The following FAM13A variants were observed in gnomAD, a reference collection of about 807,000 sequenced individuals.
FAM13A encodes the protein family with sequence similarity 13 member A.
Under a neutral mutation model 129.6 loss-of-function variants are expected in FAM13A, and 76 were observed. The observed-to-expected ratio is 0.59, with a 90% confidence interval of 0.49 to 0.71. The LOEUF (loss-of-function observed/expected upper bound fraction) is 0.71, where lower values mean the gene tolerates loss of function less well. Ranked by LOEUF, FAM13A falls within the 30% of genes least tolerant of loss-of-function variation. FAM13A has a pLI of 0.00. For synonymous variants in FAM13A, 443 were observed against 449.9 expected, an observed-to-expected ratio of 0.98 and a Z score of 0.20; for missense variants, 1,108 against 1,249.3, an observed-to-expected ratio of 0.89 and a Z score of 1.70.
At chr4:88,858,593 T>C (rs912710586) in intron 6 of FAM13A, among the ~76,000 whole-genome samples, 4 of 152,138 alleles carry the variant, frequency 2.6e-5, no homozygotes, top group African/African-American at 4.8e-5. Flanking sequence ...TGATAGAGCA[T>C]AGATGAATCC....
At chr4:89,008,272 A>G (rs769056026) in intron 3 of FAM13A, among the ~76,000 whole-genome samples, 46 of 152,162 alleles carry the variant, frequency 3.0e-4, no homozygotes, top group Admixed American at 2.4e-3. Flanking sequence ...GGAAGACAGC[A>G]CCTTTAAGGA....
At chr4:89,028,041 C>T (rs1768193819) in intron 2 of FAM13A, among the ~76,000 whole-genome samples, 2 of 122,310 alleles carry the variant, frequency 1.6e-5, no homozygotes, top group African/African-American at 5.9e-5. Flanking sequence ...CCCATCTCTA[C>T]TAATAATACA....
intron 7 of FAM13A, among the ~76,000 whole-genome samples, chr4:88,833,779 G>A (rs990539655): frequency 2.6e-5 from 4 of 151,968 alleles, no homozygotes; most frequent in South Asian, 2.1e-4. Flanking sequence ...CCAGCTACTC[G>A]GAAGGCTGAG....
intron 5 of FAM13A, among the ~76,000 whole-genome samples, chr4:88,931,022 G>C (rs1001702814): frequency 6.6e-6 from 1 of 152,092 alleles, no homozygotes; most frequent in Non-Finnish European, 1.5e-5. Flanking sequence ...TGGTGCCTTG[G>C]GCCTGGGACC....
intron 7 of FAM13A, among the ~76,000 whole-genome samples, chr4:88,815,054 G>T (rs1397960845): frequency 6.6e-6 from 1 of 151,990 alleles, no homozygotes; most frequent in Non-Finnish European, 1.5e-5. Context: ...TGTTGCTCAG[G>T]CTGGTCTCCA....
chr4:89,045,198 G>A (rs1770693459), intron 1 of FAM13A, among the ~76,000 whole-genome samples: 4 of 151,888 alleles, frequency 2.6e-5, no homozygotes, highest in African/African-American at 9.7e-5. Context: ...AATGTGAAGT[G>A]GAGACTGGTG....
chr4:88,971,917 A>G (rs1242963180), intron 4 of FAM13A, among the ~76,000 whole-genome samples: 1 of 152,250 alleles, frequency 6.6e-6, no homozygotes, highest in Non-Finnish European at 1.5e-5. Context: ...TATCAAATTT[A>G]GAAGACCAGA....
chr4:88,909,200 C>T (rs961914393), intron 5 of FAM13A, among the ~76,000 whole-genome samples: 2 of 151,964 alleles, frequency 1.3e-5, no homozygotes, highest in African/African-American at 4.8e-5. Context: ...TCCAAATGCC[C>T]ATTAATTGAT....
intron 4 of FAM13A, among the ~76,000 whole-genome samples, chr4:88,949,196 C>G (rs907744871): frequency 1.1e-4 from 17 of 152,060 alleles, no homozygotes; most frequent in African/African-American, 3.9e-4. Context: ...ATAAAAAAAG[C>G]CTAATAAGTA....
At chr4:88,919,161 G>C (rs568427789) in intron 5 of FAM13A, among the ~76,000 whole-genome samples, 2 of 152,144 alleles carry the variant, frequency 1.3e-5, no homozygotes, top group Non-Finnish European at 2.9e-5. Context: ...ACAATAACTG[G>C]CATAAACAGG....
At chr4:88,780,188 G>A (rs1168243043) in intron 11 of FAM13A, among the ~76,000 whole-genome samples, 1 of 151,856 alleles carries the variant, frequency 6.6e-6, no homozygotes, top group Non-Finnish European at 1.5e-5. Flanking sequence ...ATTATGGGGG[G>A]AAAAAAATCC....
At chr4:88,972,320 G>C (rs79650521) in intron 4 of FAM13A, among the ~76,000 whole-genome samples, 1 of 68,260 alleles carries the variant, frequency 1.5e-5, no homozygotes, top group South Asian at 6.3e-4. Context: ...TTTTTTTTTT[G>C]AGACAGAGTC....
intron 7 of FAM13A, among the ~76,000 whole-genome samples, chr4:88,811,573 G>A (rs980162994): frequency 4.9e-5 from 7 of 144,104 alleles, no homozygotes; most frequent in African/African-American, 1.8e-4. Context: ...ATGTGCATGT[G>A]GGGGGAAAAG....
chr4:88,951,684 C>T (rs1462246212), intron 4 of FAM13A, among the ~76,000 whole-genome samples: 1 of 152,198 alleles, frequency 6.6e-6, no homozygotes, highest in Non-Finnish European at 1.5e-5. Context: ...CTTACTAAAT[C>T]CTACCCATCT....
chr4:88,861,083 T>G (rs1218864368), intron 6 of FAM13A, among the ~76,000 whole-genome samples: 3 of 152,140 alleles, frequency 2.0e-5, no homozygotes, highest in African/African-American at 7.2e-5. Flanking sequence ...CTGCCTCATC[T>G]GTATAATGAA....
intron 14 of FAM13A, 53 bp from the exon 15 acceptor site, chr4:88,750,690 G>T (rs1441069497): frequency 5.0e-6 from 7 of 1,401,794 alleles, no homozygotes; most frequent in Non-Finnish European, 7.0e-6. Context: ...GGTCAGGGTT[G>T]TTCTTTAAAA....
chr4:88,727,309 C>A lies in FAM13A; in HGVS notation c.*1224G>T, dbSNP rs1044439087. 6.6e-6 allele frequency: 1 copy of A among 152,650 alleles called. No individual in the cohort carries two copies. Among genetic ancestry groups the A allele is most frequent in the African/African-American group, 2.4e-5 (1 of 41,446 alleles). 9.5% of individuals were successfully genotyped at this position (152,650 alleles called of 1,614,324 possible). A position where few individuals can be genotyped will look rare whatever the true frequency, so the allele number is the denominator to read the frequency against. ...GCAAATCATGAGGTGACATCAGGCA[C>A]ACTGAAGAGATGGAGGATTTGGTGT... is the stretch of plus-strand genomic sequence containing the variant. On this transcript the variant is annotated 3_prime_UTR_variant, in exon 24 of 24. Coordinates refer to ENST00000264344, the MANE Select transcript of FAM13A (RefSeq NM_014883.4).
intron 4 of FAM13A, among the ~76,000 whole-genome samples, chr4:88,953,577 C>T (rs1183680240): frequency 1.3e-5 from 2 of 152,168 alleles, no homozygotes; most frequent in African/African-American, 4.8e-5. Context: ...TGAAACAGAT[C>T]TCCAGAACCT....
At chr4:88,805,360 T>C (rs1728349492) in intron 7 of FAM13A, among the ~76,000 whole-genome samples, 1 of 152,172 alleles carries the variant, frequency 6.6e-6, no homozygotes, top group South Asian at 2.1e-4. Flanking sequence ...ATATTACACA[T>C]AAACCCTTAA....
Sources: allele counts gnomAD v4.1 joint callset (sites outside exome capture counted in the v4.1 genomes callset), GRCh38; gene constraint gnomAD v4.1.1; transcripts MANE v1.5; gene names NCBI Gene and HGNC (gene_info 2026-07-23, HGNC 2026-07-21).